Variants in RHOU observed in about 807,000 individuals in gnomAD.
The protein encoded by RHOU is rho-related GTP-binding protein RhoU.
In RHOU, 8 loss-of-function variants were observed where a neutral mutation model predicts 12.6. The ratio of observed to expected loss-of-function variants is 0.64; its 90% confidence interval spans 0.37 to 1.15. RHOU has a LOEUF of 1.15. RHOU is among the 50% of genes most tolerant of loss of function. The pLI is 0.01. For synonymous variants in RHOU, 161 were observed against 147.4 expected (o/e 1.09, Z -0.67); for missense variants, 258 against 347.0 (o/e 0.74, Z 2.04).
rs1057257669 is a variant in RHOU, at chr1:228,745,823, C to G, written c.*2083C>G. ...TATTTAACTGGTAAGCGATTTGAAA[C>G]ACTATTTTTATATTAAAGTAAATGG... On this transcript the variant is annotated 3_prime_UTR_variant, in exon 3 of 3. Transcript: ENST00000366691. 1.3e-5 allele frequency: 2 copies of G among 152,212 alleles called. No homozygotes were observed. The highest frequency in any genetic ancestry group is 4.8e-5 in the African/African-American group (2 of 41,460). The allele number at this position is 152,212 out of a possible 1,614,324, so 9.4% of individuals were successfully genotyped here. A position where few individuals can be genotyped will look rare whatever the true frequency, so the allele number is the denominator to read the frequency against.
the RHOU span, chr1:228,687,555 T>C: frequency 8.3e-6 from 13 of 1,559,878 alleles, no homozygotes; most frequent in South Asian, 9.0e-5. Flanking sequence ...CTGTGATGAC[T>C]GGGAGAGCGG....
chr1:228,664,588 C>G, the RHOU span, among the ~76,000 whole-genome samples: 5 of 152,096 alleles, frequency 3.3e-5, no homozygotes, highest in African/African-American at 1.2e-4. Context: ...GGCAGCATTA[C>G]CCCACAGAGC....
intron 2 of RHOU, among the ~76,000 whole-genome samples, chr1:228,742,033 G>A (rs1662734304): frequency 6.6e-6 from 1 of 152,218 alleles, no homozygotes; most frequent in South Asian, 2.1e-4. Context: ...ATAATGTGAT[G>A]TAAATGGTAC....
chr1:228,695,183 T>C, the RHOU span, among the ~76,000 whole-genome samples: 2 of 152,152 alleles, frequency 1.3e-5, no homozygotes, highest in Non-Finnish European at 2.9e-5. Flanking sequence ...TTGCCCAGGT[T>C]GGTCTCAAAC....
chr1:228,660,599 T>C, the RHOU span, among the ~76,000 whole-genome samples: 1 of 151,272 alleles, frequency 6.6e-6, no homozygotes, highest in Non-Finnish European at 1.5e-5. Flanking sequence ...TGAGGTGAAA[T>C]TCATCATAGA....
At chr1:228,691,207 T>C in the RHOU span, among the ~76,000 whole-genome samples, 1 of 152,200 alleles carries the variant, frequency 6.6e-6, no homozygotes, top group African/African-American at 2.4e-5. Context: ...CAGCATTTCC[T>C]ACAGAGTAGT....
the RHOU span, among the ~76,000 whole-genome samples, chr1:228,723,790 T>A: frequency 2.0e-5 from 3 of 152,368 alleles, no homozygotes; most frequent in South Asian, 6.2e-4. Flanking sequence ...ATTTACACCA[T>A]CTTTACGTTG....
At chr1:228,646,856 G>A in the RHOU span, among the ~76,000 whole-genome samples, 1 of 151,914 alleles carries the variant, frequency 6.6e-6, no homozygotes, top group African/African-American at 2.4e-5. Flanking sequence ...GGAGAGCAAG[G>A]AGAAGATGGA....
the RHOU span, among the ~76,000 whole-genome samples, chr1:228,724,015 G>A: frequency 6.6e-6 from 1 of 152,130 alleles, no homozygotes; most frequent in Admixed American, 6.5e-5. Context: ...CCTGCATGAG[G>A]CCTTCCATGT....
chr1:228,658,694 T>C, the RHOU span, among the ~76,000 whole-genome samples: 1 of 152,158 alleles, frequency 6.6e-6, no homozygotes, highest in African/African-American at 2.4e-5. Context: ...GAAAATACAG[T>C]TGGCTGTCAG....
At chr1:228,687,056 A>G in the RHOU span, among the ~76,000 whole-genome samples, 9 of 152,314 alleles carry the variant, frequency 5.9e-5, no homozygotes, top group African/African-American at 2.2e-4. Context: ...GGAGAATTTA[A>G]GGAATTATAA....
the RHOU span, among the ~76,000 whole-genome samples, chr1:228,707,251 ATATAGTGTGTGTGTGT>A: frequency 0.011 from 1,024 of 96,530 alleles, 8 homozygotes; most frequent in African/African-American, 0.021. Context: ...ATATATATAT[ATATAGTGTGTGTGTGT>A]GTGTGTGTGT....
At chr1:228,712,899 C>T in the RHOU span, among the ~76,000 whole-genome samples, 2 of 151,638 alleles carry the variant, frequency 1.3e-5, no homozygotes, top group Non-Finnish European at 2.9e-5. Context: ...GAGTTTGCAT[C>T]TCCTGCAATG....
intron 2 of RHOU, among the ~76,000 whole-genome samples, chr1:228,742,176 A>T (rs554823361): frequency 6.4e-4 from 97 of 152,378 alleles, no homozygotes; most frequent in African/African-American, 2.3e-3. Flanking sequence ...CATAGGAAAG[A>T]GTAAATATTT....
chr1:228,741,170 A>G (rs1323331522), intron 2 of RHOU, among the ~76,000 whole-genome samples: 1 of 152,094 alleles, frequency 6.6e-6, no homozygotes, highest in Non-Finnish European at 1.5e-5. Flanking sequence ...GCCAACCCTG[A>G]TCAGACTTCT....
At chr1:228,707,134 A>ATG in the RHOU span, among the ~76,000 whole-genome samples, 1 of 127,476 alleles carries the variant, frequency 7.8e-6, no homozygotes, top group Admixed American at 8.2e-5. Context: ...ATACATATAT[A>ATG]TATATATATA....
chr1:228,653,340 A>G, the RHOU span, among the ~76,000 whole-genome samples: 1,811 of 151,752 alleles, frequency 0.012, 42 homozygotes, highest in African/African-American at 0.041. Context: ...TTTTTTTTTG[A>G]CGGAGTTTTG....
chr1:228,716,776 G>A, the RHOU span, among the ~76,000 whole-genome samples: 1 of 114,462 alleles, frequency 8.7e-6, no homozygotes, highest in African/African-American at 4.1e-5. Flanking sequence ...GTATATTCCA[G>A]ATTATTGGAA....
the RHOU span, among the ~76,000 whole-genome samples, chr1:228,689,586 G>A: frequency 1.3e-5 from 2 of 152,116 alleles, no homozygotes; most frequent in Admixed American, 1.3e-4. Flanking sequence ...CTGGTCTGTG[G>A]TCTGTTAGCA....
Sources: gnomAD v4.1 joint callset for allele counts (sites outside exome capture counted in the v4.1 genomes callset) on GRCh38, gnomAD v4.1.1 for gene constraint, MANE v1.5 for transcripts, NCBI Gene and HGNC (gene_info 2026-07-23, HGNC 2026-07-21) for gene names.